The following OTOP1 variants were observed in gnomAD, a reference collection of about 807,000 sequenced individuals.
OTOP1 encodes the protein otopetrin 1, also known as proton channel OTOP1.
A neutral mutation model predicts 52.9 loss-of-function variants in OTOP1; 59 were observed. The observed-to-expected ratio is 1.12, with a 90% CI of 0.91 to 1.39. The LOEUF is 1.39. Ranked by LOEUF, OTOP1 falls within the 40% of genes most tolerant of loss-of-function variation. OTOP1 has a pLI of 0.00. For synonymous variants in OTOP1, 317 were observed against 337.7 expected (o/e 0.94, Z 0.67); for missense variants, 761 against 800.9 (o/e 0.95, Z 0.60).
intron 5 of OTOP1, among the ~76,000 whole-genome samples, chr4:4,196,192 G>C (rs1209167971): frequency 6.6e-6 from 1 of 152,184 alleles, no homozygotes; most frequent in African/African-American, 2.4e-5. Context: ...GCTGAGGCAG[G>C]AGGATTGTTT....
chr4:4,204,271 G>A lies in OTOP1; in HGVS notation c.600-1693C>T, dbSNP rs554313560. ...GAGTCAGGTGTTTGCCCATCTGTTT[G>A]CCCCTTGTGCTTGCCCAGTTGCTGT... is the stretch of plus-strand genomic sequence containing the variant. On this transcript the variant is annotated intron_variant, in intron 3 of 5. Coordinates refer to ENST00000296358, the MANE Select transcript of OTOP1 (RefSeq NM_177998.3). 2.0e-5 allele frequency among the ~76,000 whole-genome samples: 3 copies of A among 152,234 alleles called. No individual in the cohort carries two copies. In the South Asian group the frequency reaches 6.2e-4, roughly 32 times the overall value.
At chr4:4,195,299 G>A (rs1436003571) in intron 5 of OTOP1, among the ~76,000 whole-genome samples, 1 of 152,186 alleles carries the variant, frequency 6.6e-6, no homozygotes, top group Non-Finnish European at 1.5e-5. Flanking sequence ...TGCCTGAAAT[G>A]CTTCTCCCTG....
rs188528861 is a variant in OTOP1, at chr4:4,219,518, G to A, written c.404-6514C>T. 8.0e-3 allele frequency among the ~76,000 whole-genome samples: 1,212 copies of A among 151,862 alleles called. 13 individuals carry two copies. The highest frequency in any genetic ancestry group is 0.028 in the African/African-American group (1,169 of 41,400). ...AGATCGAGACCATCCTGGCCAACACGGTGAAACCCCGTCTCTACTAAAAAT... is the reference window on the plus strand; with the variant it reads ...AGATCGAGACCATCCTGGCCAACACAGTGAAACCCCGTCTCTACTAAAAAT... On this transcript the variant is annotated intron_variant, in intron 1 of 5. Coordinates refer to ENST00000296358, the MANE Select transcript of OTOP1 (RefSeq NM_177998.3).
chr4:4,226,302 A>AGTAAAG (rs1560213120), intron 1 of OTOP1, among the ~76,000 whole-genome samples, 160 bp downstream of exon 1: 242 of 151,566 alleles, frequency 1.6e-3, no homozygotes, highest in African/African-American at 5.2e-3. Flanking sequence ...GAGAGAGAGG[A>AGTAAAG]AAGGAAGGGC....
At position 4,197,490 on chromosome 4, in the gene OTOP1, G is replaced by A. The variant is rs58092279; in HGVS notation, c.1344C>T (p.His448=). ...CCTCAGAGAGTTTTTCAGGCTCTCG[G>A]TGAATGGATTCAAAGATGAAGAGGT... ...IQNLFIFESI[H]REPEKLSEDI... is the part of the protein sequence containing the mutation. The change falls in exon 5 of 6, where the codon CAC becomes CAT. Residue 448 remains histidine, a synonymous_variant. Coordinates refer to ENST00000296358, the MANE Select transcript of OTOP1 (RefSeq NM_177998.3). 8,065 of 1,614,086 alleles carry A rather than the reference G, an allele frequency of 5.0e-3. 292 individuals carry two copies. In the African/African-American group the frequency reaches 0.087, roughly 17 times the overall value.
At chr4:4,210,629 G>A (rs762620680) in intron 2 of OTOP1, among the ~76,000 whole-genome samples, 7 of 152,118 alleles carry the variant, frequency 4.6e-5, no homozygotes, top group Non-Finnish European at 7.4e-5. Flanking sequence ...TCAGGAGTTC[G>A]AGACCAGCCT....
At chr4:4,195,464 T>G (rs1209440970) in intron 5 of OTOP1, among the ~76,000 whole-genome samples, 1 of 152,136 alleles carries the variant, frequency 6.6e-6, no homozygotes, top group Non-Finnish European at 1.5e-5. Context: ...GGGGTGCCCA[T>G]GTGAGAGACA....
rs367611211 is a variant in OTOP1 at position 4,226,736 on chromosome 4, G to T, written c.129C>A (p.Ala43=). The T allele has an allele frequency of 8.9e-4, 1,247 of 1,397,978 alleles. 24 individuals are homozygous for T. The South Asian group carries it at 0.018, about 21-fold the overall frequency. The allele number at this position is 1,397,978 out of a possible 1,614,324, so 86.6% of individuals were successfully genotyped here. Residue 43 remains alanine, a synonymous_variant, in exon 1 of 6, where the codon GCC becomes GCA. Coordinates refer to ENST00000296358, the MANE Select transcript of OTOP1 (RefSeq NM_177998.3). ...TGGCGCGCACACCGCCCCGCCGGGG[G>T]GCCGGGGATTCCGGGGACCTCGGGG... ...SSAPRSPESP[A]PRRGGVRASV... is the part of the protein sequence containing the mutation.
chr4:4,201,297 C>T (rs112014145), intron 4 of OTOP1, among the ~76,000 whole-genome samples: 3,397 of 151,886 alleles, frequency 0.022, 51 homozygotes, highest in Non-Finnish European at 0.035. Context: ...TGTGGTGGCA[C>T]GCACCTGTAG....
At chr4:4,202,975 C>T (rs1213424170) in intron 3 of OTOP1, among the ~76,000 whole-genome samples, 3 of 152,178 alleles carry the variant, frequency 2.0e-5, no homozygotes, top group Non-Finnish European at 4.4e-5. Context: ...GAAAGAGTAC[C>T]ACTGGAAATC....
At position 4,226,735 on chromosome 4, in the gene OTOP1, G is replaced by A. The variant is rs952979671; in HGVS notation, c.130C>T (p.Pro44Ser). ...SAPRSPESPA[P>S]RRGGVRASVP... ...CTGGCGCGCACACCGCCCCGCCGGG[G>A]GGCCGGGGATTCCGGGGACCTCGGG... The change falls in exon 1 of 6, where the codon CCC (proline) becomes TCC (serine). Residue 44 changes from proline (P) to serine (S), a missense_variant. Physicochemically the swap from Pro to Ser is moderately conservative, Grantham distance 74 (BLOSUM62 -1). Coordinates refer to ENST00000296358, the MANE Select transcript of OTOP1 (RefSeq NM_177998.3). 1 of 1,398,526 alleles carries A rather than the reference G, an allele frequency of 7.2e-7. No individual in the cohort carries two copies. The allele number at this position is 1,398,526 out of a possible 1,614,324, so 86.6% of individuals were successfully genotyped here.
chr4:4,196,644 C>G (rs1716633624), intron 5 of OTOP1, among the ~76,000 whole-genome samples: 1 of 151,860 alleles, frequency 6.6e-6, no homozygotes, highest in African/African-American at 2.4e-5. Context: ...GGGAGGATTG[C>G]TTGAGCCCAG....
intron 1 of OTOP1, among the ~76,000 whole-genome samples, chr4:4,225,427 G>A (rs1194690019): frequency 6.6e-6 from 1 of 152,108 alleles, no homozygotes; most frequent in African/African-American, 2.4e-5. Flanking sequence ...AACTTAGCTG[G>A]GCAAGGCCAT....
In OTOP1 at chr4:4,197,283, C is replaced by T. The variant is rs1475790013; in HGVS notation, c.1551G>A (p.Glu517=). The T allele has an allele frequency of 1.9e-6, 3 of 1,614,190 alleles. No individual in the cohort carries two copies. Among genetic ancestry groups the T allele is most frequent in the East Asian group, 2.2e-5 (1 of 44,876 alleles). The part of the protein sequence containing the change: ...ESHDKEEEKQ[E]ESSWGGSPSP... ...TTGGGCTCCCTCCCCAGCTGCTCTC[C>T]TCCTGCTTCTCCTCCTCCTTGTCAT... Residue 517 remains glutamate (E), a synonymous_variant, in exon 5 of 6, where the codon GAG becomes GAA. Coordinates refer to ENST00000296358, the MANE Select transcript of OTOP1 (RefSeq NM_177998.3).
chr4:4,191,103 G>A (rs112872701), intron 5 of OTOP1, among the ~76,000 whole-genome samples: 3 of 152,058 alleles, frequency 2.0e-5, no homozygotes, highest in Non-Finnish European at 4.4e-5. Context: ...GCTCAGCTAC[G>A]TCGTCCTCCC....
rs1717448576 is a variant in OTOP1 at position 4,226,738 on chromosome 4, C to G, written c.127G>C (p.Ala43Pro). The G allele has an allele frequency of 2.2e-6, 3 of 1,392,932 alleles. No homozygotes were observed. The highest frequency in any genetic ancestry group is 3.2e-5 in the South Asian group (2 of 62,120). 86.3% of individuals were successfully genotyped at this position (1,392,932 alleles called of 1,614,324 possible). A position where few individuals can be genotyped will look rare whatever the true frequency, so the allele number is the denominator to read the frequency against. ...GCGCGCACACCGCCCCGCCGGGGGG[C>G]CGGGGATTCCGGGGACCTCGGGGCC... ...SSAPRSPESP[A>P]PRRGGVRASV... Residue 43 changes from alanine to proline, a missense_variant, in exon 1 of 6, where the codon GCC (alanine) becomes CCC (proline). Ala to Pro is a conservative substitution (Grantham distance 27). This residue lies in a region of OTOP1 where 73 missense variants were observed against 75.7 expected (regional missense o/e 0.96). Transcript: ENST00000296358.
intron 1 of OTOP1, among the ~76,000 whole-genome samples, chr4:4,225,545 G>A (rs917720117): frequency 3.1e-5 from 4 of 129,714 alleles, no homozygotes; most frequent in African/African-American, 1.2e-4. Flanking sequence ...CTCCAGCCTG[G>A]GAGATAGAGC....
intron 3 of OTOP1, 50 bp from the exon 4 acceptor site, chr4:4,202,628 G>C (rs373344015): frequency 1.1e-5 from 17 of 1,605,316 alleles, no homozygotes; most frequent in Non-Finnish European, 1.4e-5. Context: ...AGAGCCTCAG[G>C]CACCATGGGG....
At chr4:4,211,217 A>T (rs1717019087) in intron 2 of OTOP1, among the ~76,000 whole-genome samples, 2 of 152,232 alleles carry the variant, frequency 1.3e-5, no homozygotes, top group Admixed American at 1.3e-4. Flanking sequence ...GCTGAAGGTC[A>T]CTTTGGATAA....
Sources: gnomAD v4.1 joint callset for allele counts (sites outside exome capture counted in the v4.1 genomes callset) on GRCh38, gnomAD v4.1.1 for gene constraint, gnomAD v4.1.1 regional missense constraint, MANE v1.5 for transcripts, NCBI Gene and HGNC (gene_info 2026-07-23, HGNC 2026-07-21) for gene names.